The following FHIT variants were observed in gnomAD, a reference collection of about 807,000 sequenced individuals.
FHIT encodes the protein fragile histidine triad diadenosine triphosphatase, also known as bis(5'-adenosyl)-triphosphatase.
FHIT carries 19 observed loss-of-function variants against 17.9 expected under a neutral mutation model. The ratio of observed to expected loss-of-function variants is 1.06; its 90% CI spans 0.74 to 1.56. The LOEUF is 1.56. Among genes scored for constraint, FHIT ranks in the 40% most tolerant of loss-of-function variants. The probability of loss-of-function intolerance (pLI) is 0.00; values close to 1 mark genes in which losing one functional copy is unlikely to be tolerated. For synonymous variants in FHIT, 81 were observed against 69.7 expected (o/e 1.16, Z -0.81); for missense variants, 248 against 189.2 (o/e 1.31, Z -1.82).
chr3:60,301,791 G>A (rs1398127087), intron 5 of FHIT, among the ~76,000 whole-genome samples: 1 of 152,146 alleles, frequency 6.6e-6, no homozygotes, highest in Non-Finnish European at 1.5e-5. Flanking sequence ...GGACTACAGA[G>A]TAGGGAGCAG....
chr3:60,013,579 T>C (rs755246676), intron 6 of FHIT, among the ~76,000 whole-genome samples: 7 of 152,164 alleles, frequency 4.6e-5, no homozygotes, highest in Non-Finnish European at 1.0e-4. Flanking sequence ...GATCAATCTC[T>C]GCATCTTGAA....
In FHIT at chr3:60,632,465, G is replaced by A. The variant is rs77341053; in HGVS notation, c.-17-95486C>T. On this transcript the variant is annotated intron_variant, in intron 4 of 9. Coordinates refer to ENST00000492590, the MANE Select transcript of FHIT (RefSeq NM_002012.4). ...TAAAGATGACTTGAATACAGAAGAG[G>A]TGTTGTAGGAGAGCGCGTCTTCTCC... 3.9e-5 allele frequency among the ~76,000 whole-genome samples: 6 copies of A among 152,294 alleles called. No individual in the cohort carries two copies. The East Asian group carries it at 1.2e-3, about 29-fold the overall frequency.
chr3:60,475,376 A>C (rs1442090747), intron 5 of FHIT, among the ~76,000 whole-genome samples: 1 of 152,222 alleles, frequency 6.6e-6, no homozygotes, highest in Non-Finnish European at 1.5e-5. Flanking sequence ...CATTTATTTA[A>C]GTGATAAACA....
intron 8 of FHIT, among the ~76,000 whole-genome samples, chr3:59,905,868 T>A (rs1327377426): frequency 2.0e-5 from 3 of 152,136 alleles, no homozygotes. Flanking sequence ...TGATATTATA[T>A]AATCATAATG....
chr3:61,218,137 G>C (rs999338979), intron 1 of FHIT, among the ~76,000 whole-genome samples: 4 of 152,210 alleles, frequency 2.6e-5, no homozygotes, highest in African/African-American at 9.6e-5. Flanking sequence ...AGTAACTGCA[G>C]TTGTGAATAT....
intron 5 of FHIT, among the ~76,000 whole-genome samples, chr3:60,027,942 T>C (rs912852697): frequency 2.0e-5 from 3 of 152,200 alleles, no homozygotes; most frequent in African/African-American, 7.2e-5. Context: ...TCAACCATAT[T>C]TAATTGCATT....
At chr3:61,155,502 G>A (rs183197042) in intron 2 of FHIT, among the ~76,000 whole-genome samples, 5 of 152,032 alleles carry the variant, frequency 3.3e-5, no homozygotes, top group Admixed American at 6.6e-5. Context: ...CAAATAAAAT[G>A]AGAGACCAGT....
At chr3:60,729,647 G>A (rs1305903258) in intron 4 of FHIT, among the ~76,000 whole-genome samples, 1 of 152,090 alleles carries the variant, frequency 6.6e-6, no homozygotes. Context: ...ACCACAGAAT[G>A]AGGGAATACA....
At chr3:60,623,353 T>C (rs1179193862) in intron 4 of FHIT, among the ~76,000 whole-genome samples, 1 of 152,182 alleles carries the variant, frequency 6.6e-6, no homozygotes, top group Non-Finnish European at 1.5e-5. Context: ...ATGATACTTA[T>C]GTAAGCCAAT....
chr3:60,257,557 C>T (rs1706062243), intron 5 of FHIT, among the ~76,000 whole-genome samples: 1 of 152,150 alleles, frequency 6.6e-6, no homozygotes. Context: ...ACCCATGCTT[C>T]TCAAACATTT....
chr3:61,192,490 T>C (rs1035978269), intron 2 of FHIT, among the ~76,000 whole-genome samples: 1 of 152,220 alleles, frequency 6.6e-6, no homozygotes, highest in African/African-American at 2.4e-5. Context: ...CAGGATTCTA[T>C]AATGCCTTCC....
At chr3:60,744,269 A>AAAAAAC (rs2042306293) in intron 4 of FHIT, among the ~76,000 whole-genome samples, 2 of 16,054 alleles carry the variant, frequency 1.2e-4, no homozygotes, top group East Asian at 9.4e-3. Flanking sequence ...AAAACAAAAC[A>AAAAAAC]AAAAAAAAAA....
At chr3:60,837,164 G>C (rs191336240) in intron 3 of FHIT, among the ~76,000 whole-genome samples, 26 of 152,212 alleles carry the variant, frequency 1.7e-4, no homozygotes, top group Admixed American at 1.2e-3. Flanking sequence ...TTAGATACTA[G>C]TATATACTTA....
chr3:60,765,061 G>C lies in FHIT; in HGVS notation c.-18+56858C>G, dbSNP rs898212074. Among the ~76,000 whole-genome samples the C allele has an allele frequency of 1.4e-4, 22 of 152,116 alleles. 1 individual carries two copies. Among genetic ancestry groups the C allele is most frequent in the Non-Finnish European group, 2.9e-5 (2 of 68,026 alleles). On this transcript the variant is annotated intron_variant, in intron 4 of 9. Transcript: ENST00000492590. ...ATGAATGGATGTCATAAGGTAAAAAGAGGAACTGCAAGATTTGAAGCTCAT... is the reference window on the plus strand; with the variant it reads ...ATGAATGGATGTCATAAGGTAAAAACAGGAACTGCAAGATTTGAAGCTCAT...
intron 5 of FHIT, among the ~76,000 whole-genome samples, chr3:60,519,896 C>T (rs1194720062): frequency 6.6e-6 from 1 of 152,160 alleles, no homozygotes; most frequent in Non-Finnish European, 1.5e-5. Context: ...AAACAATTTA[C>T]TGGAGTGACC....
intron 5 of FHIT, among the ~76,000 whole-genome samples, chr3:60,425,215 G>T (rs1207061225): frequency 6.6e-6 from 1 of 152,138 alleles, no homozygotes; most frequent in Non-Finnish European, 1.5e-5. Context: ...ATACAGGGCT[G>T]ACTATTCAGA....
chr3:60,606,305 A>G (rs1553671213), intron 4 of FHIT, among the ~76,000 whole-genome samples: 1 of 151,438 alleles, frequency 6.6e-6, no homozygotes, highest in African/African-American at 2.4e-5. Context: ...CAGTGACGCA[A>G]TCTTAGCTCA....
Position 59,865,869 on chromosome 3 carries a change from G to A in FHIT, c.348+56477C>T, listed in dbSNP as rs12635905. 1.2e-4 allele frequency among the ~76,000 whole-genome samples: 18 copies of A among 152,220 alleles called. No homozygotes were observed. The East Asian group carries it at 2.1e-3, about 18-fold the overall frequency. ...AGTGGGGAGTGAGAGCCTGAGGTTC[G>A]GCAGAGGCAGGAACGGGGAGAGAGA... On this transcript the variant is annotated intron_variant, in intron 8 of 9. Transcript: ENST00000492590.
At chr3:60,254,722 A>G (rs1409731210) in intron 5 of FHIT, among the ~76,000 whole-genome samples, 2 of 152,138 alleles carry the variant, frequency 1.3e-5, no homozygotes, top group Non-Finnish European at 2.9e-5. Context: ...CTCCATTACA[A>G]TCCACTCCCC....
Sources: allele counts gnomAD v4.1 joint callset (sites outside exome capture counted in the v4.1 genomes callset), GRCh38; gene constraint gnomAD v4.1.1; transcripts MANE v1.5; gene names NCBI Gene and HGNC (gene_info 2026-07-23, HGNC 2026-07-21).